NCAM2: variants seen among roughly 807,000 people sequenced by gnomAD.
NCAM2 encodes N-CAM-2.
NCAM2 carries 30 observed loss-of-function variants against 98.1 expected under a neutral mutation model. The ratio of observed to expected loss-of-function variants is 0.31; its 90% CI spans 0.23 to 0.41. NCAM2 has a LOEUF of 0.41. NCAM2 is among the 10% of genes least tolerant of loss of function. NCAM2 has a pLI of 1.00. For synonymous variants in NCAM2, 368 were observed against 342.4 expected, an observed-to-expected ratio of 1.07 and a Z score of -0.83; for missense variants, 867 against 1,005.8, an observed-to-expected ratio of 0.86 and a Z score of 1.87.
chr21:21,512,286 G>T (rs920469481), intron 16 of NCAM2, among the ~76,000 whole-genome samples: 1 of 151,846 alleles, frequency 6.6e-6, no homozygotes. Flanking sequence ...AAGAGATAGG[G>T]GTCTACATTC....
At chr21:21,194,614 A>C (rs902544605) in intron 1 of NCAM2, among the ~76,000 whole-genome samples, 6 of 152,158 alleles carry the variant, frequency 3.9e-5, no homozygotes, top group African/African-American at 1.4e-4. Context: ...TATGTACAAA[A>C]TTGGCAGCTA....
At chr21:21,093,737 A>G (rs2066061373) in intron 1 of NCAM2, among the ~76,000 whole-genome samples, 1 of 152,074 alleles carries the variant, frequency 6.6e-6, no homozygotes, top group South Asian at 2.1e-4. Flanking sequence ...AATTCCCTTG[A>G]TGTTCTTTGT....
chr21:21,157,668 A>C (rs1290067982), intron 1 of NCAM2, among the ~76,000 whole-genome samples: 3 of 152,148 alleles, frequency 2.0e-5, no homozygotes, highest in Admixed American at 6.6e-5. Flanking sequence ...GCATTTAAAA[A>C]AAAACTTCGT....
chr21:21,402,249 A>C (rs1160893032), intron 9 of NCAM2, among the ~76,000 whole-genome samples: 1 of 152,144 alleles, frequency 6.6e-6, no homozygotes, highest in African/African-American at 2.4e-5. Context: ...GATATGGCTA[A>C]ATTCTTTTCC....
At chr21:21,041,064 T>A (rs918963409) in intron 1 of NCAM2, among the ~76,000 whole-genome samples, 3 of 152,072 alleles carry the variant, frequency 2.0e-5, no homozygotes, top group Admixed American at 2.0e-4. Context: ...TTATGTGCCA[T>A]TTAAAAATAA....
chr21:21,212,905 G>A (rs552775378), intron 1 of NCAM2, among the ~76,000 whole-genome samples: 1 of 152,056 alleles, frequency 6.6e-6, no homozygotes, highest in South Asian at 2.1e-4. Context: ...ACCACGTGGG[G>A]CTAATTTTTT....
chr21:21,312,674 G>A (rs1030557561), intron 5 of NCAM2, among the ~76,000 whole-genome samples: 1 of 151,308 alleles, frequency 6.6e-6, no homozygotes, highest in Non-Finnish European at 1.5e-5. Context: ...TGGTATGTAG[G>A]TTTATTTTCT....
chr21:21,479,464 G>T (rs146624109), intron 15 of NCAM2, among the ~76,000 whole-genome samples: 29 of 151,086 alleles, frequency 1.9e-4, no homozygotes, highest in African/African-American at 6.3e-4. Context: ...GACGCCTGTA[G>T]TCCCAGCTAC....
In NCAM2 at chr21:21,084,710, A is replaced by G. The variant is rs118182929; in HGVS notation, c.55+86092A>G. 5.1e-4 allele frequency among the ~76,000 whole-genome samples: 77 copies of G among 151,384 alleles called. 3 individuals are homozygous for G. The East Asian group carries it at 0.014, about 27-fold the overall frequency. ...TATTTGGACACTTCCTCTTCATGCC[A>G]TGGAGGTAGGGAATGTTATTTTTTC... On this transcript the variant is annotated intron_variant, in intron 1 of 17. Coordinates refer to ENST00000400546, the MANE Select transcript of NCAM2 (RefSeq NM_004540.5).
intron 4 of NCAM2, among the ~76,000 whole-genome samples, chr21:21,290,848 T>C (rs1265917179): frequency 6.6e-6 from 1 of 151,752 alleles, no homozygotes; most frequent in Non-Finnish European, 1.5e-5. Context: ...CAAATTGGAG[T>C]GGCCTACTAC....
At chr21:21,257,222 T>C (rs2071708009) in intron 1 of NCAM2, among the ~76,000 whole-genome samples, 1 of 152,198 alleles carries the variant, frequency 6.6e-6, no homozygotes, top group Non-Finnish European at 1.5e-5. Context: ...ATGGATTAAA[T>C]TGGAATACAA....
At chr21:21,124,289 A>G (rs1325620164) in intron 1 of NCAM2, among the ~76,000 whole-genome samples, 1 of 152,224 alleles carries the variant, frequency 6.6e-6, no homozygotes, top group East Asian at 1.9e-4. Flanking sequence ...TATTTACAAT[A>G]AAATTATAAT....
intron 15 of NCAM2, among the ~76,000 whole-genome samples, chr21:21,505,542 G>A (rs537032616): frequency 1.1e-4 from 16 of 151,892 alleles, no homozygotes; most frequent in African/African-American, 3.4e-4. Flanking sequence ...ATGCTAAAAA[G>A]GTCACAGGAT....
intron 10 of NCAM2, among the ~76,000 whole-genome samples, chr21:21,411,060 A>G (rs1267378345): frequency 1.1e-5 from 1 of 90,968 alleles, no homozygotes; most frequent in Non-Finnish European, 2.2e-5. Flanking sequence ...GTGTGTATAT[A>G]TATATATATA....
intron 8 of NCAM2, among the ~76,000 whole-genome samples, chr21:21,339,821 CTG>C (rs2074975334): frequency 1.3e-5 from 2 of 151,808 alleles, no homozygotes; most frequent in African/African-American, 4.8e-5. Flanking sequence ...TTTTGAAAGA[CTG>C]TGTTATCATA....
intron 16 of NCAM2, among the ~76,000 whole-genome samples, chr21:21,521,912 C>T (rs1010267866): frequency 1.3e-5 from 2 of 151,214 alleles, no homozygotes; most frequent in South Asian, 4.2e-4. Flanking sequence ...TACCATAGAT[C>T]CAGAAAATTC....
chr21:21,170,854 G>T (rs2068099325), intron 1 of NCAM2, among the ~76,000 whole-genome samples: 1 of 152,064 alleles, frequency 6.6e-6, no homozygotes, highest in Non-Finnish European at 1.5e-5. Flanking sequence ...GCTGTGCTTG[G>T]TGTGGGGACA....
chr21:21,521,804 A>C (rs1989031602), intron 16 of NCAM2, among the ~76,000 whole-genome samples: 1 of 152,030 alleles, frequency 6.6e-6, no homozygotes, highest in African/African-American at 2.4e-5. Context: ...TAATATGTGC[A>C]TATTGGTCAT....
At chr21:21,107,100 G>T (rs2066364756) in intron 1 of NCAM2, among the ~76,000 whole-genome samples, 1 of 152,040 alleles carries the variant, frequency 6.6e-6, no homozygotes, top group East Asian at 1.9e-4. Context: ...CTCGTTTAGG[G>T]TTTATTGGAG....
Sources: allele counts gnomAD v4.1 joint callset (sites outside exome capture counted in the v4.1 genomes callset), GRCh38; gene constraint gnomAD v4.1.1; transcripts MANE v1.5; gene names NCBI Gene and HGNC (gene_info 2026-07-23, HGNC 2026-07-21).